AGBL3: variants seen among roughly 807,000 people sequenced by gnomAD.
AGBL3 encodes the protein AGBL carboxypeptidase 3.
A neutral mutation model predicts 94.5 loss-of-function variants in AGBL3; 68 were observed. The observed-to-expected ratio is 0.72, with a 90% CI of 0.59 to 0.88. AGBL3 has a LOEUF of 0.88. Among genes scored for constraint, AGBL3 ranks in the 40% least tolerant of loss-of-function variants. The probability of loss-of-function intolerance (pLI) is 0.00; values close to 1 mark genes in which losing one functional copy is unlikely to be tolerated. For synonymous variants in AGBL3, 354 were observed against 370.7 expected (o/e 0.95, Z 0.52); for missense variants, 934 against 1,103.8 (o/e 0.85, Z 2.18).
At chr7:135,070,838 C>T (rs1295134987) in intron 12 of AGBL3, among the ~76,000 whole-genome samples, 1 of 152,078 alleles carries the variant, frequency 6.6e-6, no homozygotes, top group Non-Finnish European at 1.5e-5. Flanking sequence ...CCCTCTGTCA[C>T]CACTCCTATT....
intron 12 of AGBL3, among the ~76,000 whole-genome samples, chr7:135,074,853 A>C (rs1820302023): frequency 6.6e-6 from 1 of 152,166 alleles, no homozygotes; most frequent in Non-Finnish European, 1.5e-5. Context: ...TCAAAAACTA[A>C]ATGAATCCCT....
At chr7:135,090,459 G>A (rs1346857722) in intron 15 of AGBL3, among the ~76,000 whole-genome samples, 1 of 152,132 alleles carries the variant, frequency 6.6e-6, no homozygotes, top group Non-Finnish European at 1.5e-5. Context: ...TACTACGTCA[G>A]CTCAGTCCTG....
At chr7:135,116,568 C>T (rs1468152937) in intron 16 of AGBL3, among the ~76,000 whole-genome samples, 3 of 152,108 alleles carry the variant, frequency 2.0e-5, no homozygotes, top group Non-Finnish European at 4.4e-5. Context: ...ATGGAAATCT[C>T]GGCTCCCCAT....
chr7:135,090,514 G>A (rs945878901), intron 15 of AGBL3, among the ~76,000 whole-genome samples: 2 of 152,144 alleles, frequency 1.3e-5, no homozygotes, highest in African/African-American at 4.8e-5. Flanking sequence ...ATCCTCCAAG[G>A]GGAAATGTAC....
chr7:135,129,036 G>C, intron 16 of AGBL3: 8 of 1,608,814 alleles, frequency 5.0e-6, no homozygotes, highest in Non-Finnish European at 6.8e-6. Flanking sequence ...CCAGATCAGA[G>C]ATGGCCAGGT....
intron 12 of AGBL3, among the ~76,000 whole-genome samples, chr7:135,068,106 C>T (rs1212318696): frequency 5.9e-5 from 9 of 152,132 alleles, no homozygotes; most frequent in Admixed American, 2.0e-4. Flanking sequence ...CCTCAGTAGC[C>T]GATTCGATCA....
chr7:135,033,099 C>A, intron 6 of AGBL3, 117 bp downstream of exon 6: 2 of 1,027,876 alleles, frequency 1.9e-6, no homozygotes, highest in Non-Finnish European at 2.7e-6. Context: ...AGTATGGATA[C>A]TATTAATAAT....
intron 12 of AGBL3, among the ~76,000 whole-genome samples, chr7:135,065,460 G>A (rs1819201172): frequency 6.6e-6 from 1 of 152,198 alleles, no homozygotes; most frequent in Non-Finnish European, 1.5e-5. Flanking sequence ...AAAAGTATAT[G>A]ATACTGGCAT....
intron 12 of AGBL3, among the ~76,000 whole-genome samples, chr7:135,066,056 A>G (rs1250443710): frequency 6.6e-6 from 1 of 152,224 alleles, no homozygotes; most frequent in Non-Finnish European, 1.5e-5. Context: ...GCACCATGAC[A>G]TTGATCTTGA....
intron 15 of AGBL3, among the ~76,000 whole-genome samples, chr7:135,089,087 CTGAG>C (rs1208544474): frequency 3.3e-5 from 5 of 149,668 alleles, no homozygotes; most frequent in African/African-American, 4.9e-5. Context: ...TTTCCTCTTA[CTGAG>C]TATTTCAGAC....
At chr7:135,050,573 T>A (rs10268367) in intron 11 of AGBL3, among the ~76,000 whole-genome samples, 73,960 of 151,732 alleles carry the variant, frequency 0.49, 18,369 homozygotes, top group South Asian at 0.66. Context: ...TGGCTGCATA[T>A]ATATTTGTGA....
At position 135,133,079 on chromosome 7, in the gene AGBL3, A is replaced by G. The variant is rs894906120; in HGVS notation, c.2343-1762A>G. On this transcript the variant is annotated intron_variant, in intron 16 of 16. Coordinates refer to ENST00000436302, the MANE Select transcript of AGBL3 (RefSeq NM_178563.4). ...CGCACGCATGCGTGCACACACACAC[A>G]CACACACACACACACACACAACCTT... 7.2e-4 allele frequency among the ~76,000 whole-genome samples: 108 copies of G among 150,562 alleles called. No individual in the cohort carries two copies. In the East Asian group the frequency reaches 7.5e-3, roughly 11 times the overall value.
At chr7:135,032,503 G>C (rs1308863133) in intron 5 of AGBL3, among the ~76,000 whole-genome samples, 1 of 147,370 alleles carries the variant, frequency 6.8e-6, no homozygotes, top group Non-Finnish European at 1.5e-5. Flanking sequence ...TTTTAGTAGA[G>C]ACAGGCTTTC....
chr7:135,064,953 TC>T lies in AGBL3; in HGVS notation c.1908+5719del, dbSNP rs371387948. Among the ~76,000 whole-genome samples the T allele has an allele frequency of 4.6e-3, 697 of 152,302 alleles. 3 individuals carry two copies. Among genetic ancestry groups the T allele is most frequent in the African/African-American group, 0.016 (667 of 41,562 alleles). ...GTCATTAAGATCCTGGAGGGTTTTT[TC>T]TCCTGCTTTCATCTCATTTCTGCCT... On this transcript the variant is annotated intron_variant, in intron 12 of 16. Coordinates refer to ENST00000436302, the MANE Select transcript of AGBL3 (RefSeq NM_178563.4).
At chr7:135,130,727 T>C (rs947046410) in intron 16 of AGBL3, among the ~76,000 whole-genome samples, 1 of 152,188 alleles carries the variant, frequency 6.6e-6, no homozygotes, top group African/African-American at 2.4e-5. Context: ...CCACTGTAGT[T>C]CCAGTCCTAA....
At chr7:134,996,550 A>G (rs1443845574) in intron 4 of AGBL3, among the ~76,000 whole-genome samples, 2 of 152,194 alleles carry the variant, frequency 1.3e-5, no homozygotes, top group Non-Finnish European at 2.9e-5. Context: ...TGTCTTACAC[A>G]GTCATCTATC....
chr7:135,044,248 C>A, intron 9 of AGBL3, 97 bp downstream of exon 9: 1 of 1,180,020 alleles, frequency 8.5e-7, no homozygotes, highest in Non-Finnish European at 1.1e-6. Context: ...GTACTTTCTT[C>A]CTATTTAAAT....
chr7:135,135,050 A>T lies in AGBL3; in HGVS notation c.2552A>T (p.Asp851Val). The change falls in exon 17 of 17, where the codon GAC becomes GTC. Residue 851 changes from aspartate (D) to valine (V), a missense_variant. By Grantham distance (152) the Asp-to-Val change is radical (BLOSUM62 -3). Coordinates refer to ENST00000436302, the MANE Select transcript of AGBL3 (RefSeq NM_178563.4). ...CAAATCTGGGCCATAAAGAATGAAG[A>T]CATAAAACCTCTCAGCAGCAAGTGG... ...HSQIWAIKNE[D>V]IKPLSSKWET... 6.4e-7 allele frequency: 1 copy of T among 1,551,258 alleles called. No homozygotes were observed.
At position 135,096,733 on chromosome 7, in the gene AGBL3, G is replaced by GAGAAAGAA. The variant is rs1441379719; in HGVS notation, c.2110+14944_2110+14951dup. Among the ~76,000 whole-genome samples the GAGAAAGAA allele has an allele frequency of 3.9e-4, 20 of 51,238 alleles. 2 individuals are homozygous for GAGAAAGAA. Among genetic ancestry groups the GAGAAAGAA allele is most frequent in the Middle Eastern group, 0.011 (1 of 92 alleles). 33.6% of individuals were successfully genotyped at this position (51,238 alleles called of 152,430 possible). A position where few individuals can be genotyped will look rare whatever the true frequency, so the allele number is the denominator to read the frequency against. ...GGAAGAAAGAAAGAGAAGAAAGAAAGAGAAAGAATGAAAGAAAGAAAGAAA... is the reference window on the plus strand; with the variant it reads ...GGAAGAAAGAAAGAGAAGAAAGAAAGAGAAAGAAAGAAAGAATGAAAGAAAGAAAGAAA... On this transcript the variant is annotated intron_variant, in intron 15 of 16. Transcript: ENST00000436302.
Sources: allele counts gnomAD v4.1 joint callset (sites outside exome capture counted in the v4.1 genomes callset), GRCh38; gene constraint gnomAD v4.1.1; transcripts MANE v1.5; gene names NCBI Gene and HGNC (gene_info 2026-07-23, HGNC 2026-07-21).